The following CCT8 variants were observed in gnomAD, a reference collection of about 807,000 sequenced individuals.
CCT8 encodes the protein chaperonin containing TCP1 subunit 8.
A neutral mutation model predicts 65.7 loss-of-function variants in CCT8; 10 were observed. The ratio of observed to expected loss-of-function variants is 0.15; its 90% confidence interval spans 0.09 to 0.26. The LOEUF (loss-of-function observed/expected upper bound fraction) is 0.26, where lower values mean the gene tolerates loss of function less well. Among genes scored for constraint, CCT8 ranks in the 10% least tolerant of loss-of-function variants. The probability of loss-of-function intolerance (pLI) is 1.00; values close to 1 mark genes in which losing one functional copy is unlikely to be tolerated. For missense variants in CCT8, 568 were observed against 669.1 expected (o/e 0.85, Z 1.67); for synonymous variants, 199 against 221.8 (o/e 0.90, Z 0.92).
Position 29,067,741 on chromosome 21 carries a change from T to A in CCT8, c.232-36A>T, listed in dbSNP as rs562582154. On this transcript the variant is annotated intron_variant, in intron 3 of 14. Coordinates refer to ENST00000286788, the MANE Select transcript of CCT8 (RefSeq NM_006585.4). ...AGGTAATATCAAGTTAAACATCTGA[T>A]CCTTAAAGCAACATAAAATTGTTCA... 3.0e-6 allele frequency: 4 copies of A among 1,322,066 alleles called. No individual in the cohort carries two copies. In the South Asian group the frequency reaches 8.2e-5, roughly 27 times the overall value. 81.9% of individuals were successfully genotyped at this position (1,322,066 alleles called of 1,614,324 possible).
chr21:29,067,721 A>T lies in CCT8; in HGVS notation c.232-16T>A. On this transcript the variant is annotated splice_polypyrimidine_tract_variant and intron_variant, in intron 3 of 14. Coordinates refer to ENST00000286788, the MANE Select transcript of CCT8 (RefSeq NM_006585.4). ...GATGCTGTACCTAGTAGAAAAGGTA[A>T]TATCAAGTTAAACATCTGATCCTTA... 1 of 1,338,624 alleles carries T rather than the reference A, an allele frequency of 7.5e-7. No homozygotes were observed. Among genetic ancestry groups the T allele is most frequent in the Non-Finnish European group, 9.7e-7 (1 of 1,035,582 alleles). 82.9% of individuals were successfully genotyped at this position (1,338,624 alleles called of 1,614,324 possible).
At chr21:29,067,199 T>A in intron 4 of CCT8, 128 bp from the exon 5 acceptor site, 1 of 644,860 alleles carries the variant, frequency 1.6e-6, no homozygotes, top group Non-Finnish European at 2.5e-6. Context: ...AAACATATAG[T>A]AGACTCTACT....
chr21:29,063,389 G>A lies in CCT8; in HGVS notation c.904C>T (p.Leu302Phe). Residue 302 changes from leucine to phenylalanine, a missense_variant, in exon 8 of 15, where the codon CTT (leucine) becomes TTT (phenylalanine). Transcript: ENST00000286788. ...VTGGKVADMA[L>F]HYANKYNIML... is the part of the protein sequence containing the mutation. ...ATATTATATTTATTTGCATAATGAAGAGCCATGTCTGCCACTTTGCCACCT... is the reference window on the plus strand; with the variant it reads ...ATATTATATTTATTTGCATAATGAAAAGCCATGTCTGCCACTTTGCCACCT... 3.1e-6 allele frequency: 5 copies of A among 1,613,562 alleles called. No homozygotes were observed. Among genetic ancestry groups the A allele is most frequent in the Non-Finnish European group, 4.2e-6 (5 of 1,179,956 alleles).
intron 14 of CCT8, among the ~76,000 whole-genome samples, chr21:29,057,618 A>T (rs1383175257): frequency 6.9e-6 from 1 of 145,322 alleles, no homozygotes; most frequent in East Asian, 2.0e-4. Context: ...AAAAATATAT[A>T]TATATATAAA....
intron 14 of CCT8, among the ~76,000 whole-genome samples, chr21:29,058,999 C>G (rs749334052): frequency 6.6e-6 from 1 of 152,120 alleles, no homozygotes; most frequent in South Asian, 2.1e-4. Flanking sequence ...CTGCAGCCTT[C>G]AACTCCTGGG....
intron 14 of CCT8, 81 bp from the exon 15 acceptor site, chr21:29,056,633 T>A: frequency 2.4e-6 from 2 of 850,198 alleles, no homozygotes; most frequent in Non-Finnish European, 3.4e-6. Context: ...TAGCATGATT[T>A]AAGATTAAGC....
intron 11 of CCT8, 117 bp downstream of exon 11, chr21:29,062,011 C>A: frequency 1.4e-6 from 1 of 700,646 alleles, no homozygotes; most frequent in Non-Finnish European, 2.5e-6. Context: ...TGCTTCATTT[C>A]ATATAAACCA....
At chr21:29,069,358 A>G (rs2085657625) in intron 3 of CCT8, 65 bp downstream of exon 3, 1 of 843,548 alleles carries the variant, frequency 1.2e-6, no homozygotes, top group Non-Finnish European at 1.9e-6. Flanking sequence ...GATTTCTTCT[A>G]GTTAAAATCT....
At chr21:29,062,586 G>C (rs1236875260) in intron 8 of CCT8, 30 bp from the exon 9 acceptor site, 8 of 1,574,994 alleles carry the variant, frequency 5.1e-6, no homozygotes, top group Non-Finnish European at 7.0e-6. Context: ...CTTAATAAAA[G>C]TTTTAATCAA....
chr21:29,066,799 T>G (rs775059643), intron 5 of CCT8, 22 bp from the exon 6 acceptor site: 2 of 1,591,172 alleles, frequency 1.3e-6, no homozygotes, highest in African/African-American at 2.7e-5. Flanking sequence ...ATGAGACATA[T>G]CAAAAGATTA....
At chr21:29,061,039 T>G (rs1350018948) in intron 13 of CCT8, among the ~76,000 whole-genome samples, 1 of 152,194 alleles carries the variant, frequency 6.6e-6, no homozygotes, top group African/African-American at 2.4e-5. Flanking sequence ...GATACAGAAC[T>G]GGGCTGACTA....
intron 6 of CCT8, 89 bp from the exon 7 acceptor site, chr21:29,065,194 C>T (rs2085608275): frequency 2.2e-6 from 3 of 1,383,642 alleles, no homozygotes; most frequent in Non-Finnish European, 3.0e-6. Flanking sequence ...AAAAATATCC[C>T]TTTCTAAAAT....
At position 29,056,616 on chromosome 21, in the gene CCT8, C is replaced by T. The variant is rs2085501722; in HGVS notation, c.1570-64G>A. ...CTTAACCTTTAGAATGAAAAGAATG[C>T]TTCTATTAGCATGATTTAAGATTAA... On this transcript the variant is annotated intron_variant, in intron 14 of 14. Transcript: ENST00000286788. 3 of 988,254 alleles carry T rather than the reference C, an allele frequency of 3.0e-6. No individual in the cohort carries two copies. In the East Asian group the frequency reaches 8.3e-5, roughly 27 times the overall value. 61.2% of individuals were successfully genotyped at this position (988,254 alleles called of 1,614,324 possible).
At chr21:29,063,626 CA>C (rs957893366) in intron 7 of CCT8, 96 bp from the exon 8 acceptor site, 6 of 1,180,298 alleles carry the variant, frequency 5.1e-6, no homozygotes, top group Non-Finnish European at 4.8e-6. Flanking sequence ...AAAGGTTTGG[CA>C]AAAAAATATG....
chr21:29,073,447 C>T, intron 1 of CCT8, 84 bp downstream of exon 1: 3 of 1,605,276 alleles, frequency 1.9e-6, no homozygotes, highest in Non-Finnish European at 2.6e-6. Flanking sequence ...CACGCTCAGC[C>T]CGTTAGTAGG....
At chr21:29,071,675 C>T (rs2085681840) in intron 1 of CCT8, among the ~76,000 whole-genome samples, 1 of 151,936 alleles carries the variant, frequency 6.6e-6, no homozygotes, top group Admixed American at 6.5e-5. Context: ...TGTGAGCCAC[C>T]AACCCCTGCC....
At chr21:29,057,495 T>C (rs2085511051) in intron 14 of CCT8, among the ~76,000 whole-genome samples, 2 of 151,436 alleles carry the variant, frequency 1.3e-5, no homozygotes, top group Admixed American at 1.3e-4. Context: ...TCTGCAAACC[T>C]GAACTGGGCA....
intron 3 of CCT8, among the ~76,000 whole-genome samples, chr21:29,068,484 G>C (rs2085647827): frequency 6.6e-6 from 1 of 151,784 alleles, no homozygotes; most frequent in South Asian, 2.1e-4. Flanking sequence ...TTTTGAGATG[G>C]AGTCTTGCTC....
Position 29,062,459 on chromosome 21 carries a change from A to G in CCT8, c.1008+31T>C. 1.9e-6 allele frequency: 3 copies of G among 1,612,064 alleles called. No homozygotes were observed. The Admixed American group carries it at 5.0e-5, about 27-fold the overall frequency. ...TGTAATAAAAATTCCATCTTGTTCA[A>G]CTATCTTTTAGTGTTTTCCAAAATA... On this transcript the variant is annotated intron_variant, in intron 9 of 14. Coordinates refer to ENST00000286788, the MANE Select transcript of CCT8 (RefSeq NM_006585.4).
Sources: allele counts gnomAD v4.1 joint callset (sites outside exome capture counted in the v4.1 genomes callset), GRCh38; gene constraint gnomAD v4.1.1; transcripts MANE v1.5; gene names NCBI Gene and HGNC (gene_info 2026-07-23, HGNC 2026-07-21).